The following COX7B2 variants were observed in gnomAD, a reference collection of about 807,000 sequenced individuals.
COX7B2 encodes the protein cytochrome c oxidase subunit 7B2.
For synonymous variants in COX7B2, 37 were observed against 32.1 expected, an observed-to-expected ratio of 1.15 and a Z score of -0.51; for missense variants, 109 against 95.9, an observed-to-expected ratio of 1.14 and a Z score of -0.57.
chr4:46,745,287 T>A (rs532299506), intron 2 of COX7B2, among the ~76,000 whole-genome samples: 15 of 152,310 alleles, frequency 9.8e-5, no homozygotes, highest in Admixed American at 8.5e-4. Context: ...TACCTGTTAA[T>A]TAATCTTTTT....
chr4:46,790,365 T>C (rs1171692932), intron 2 of COX7B2, among the ~76,000 whole-genome samples: 1 of 152,240 alleles, frequency 6.6e-6, no homozygotes, highest in Non-Finnish European at 1.5e-5. Context: ...GACTCCTGAA[T>C]CTTTTATTCA....
chr4:46,860,199 TAC>T (rs1269649016), intron 1 of COX7B2, among the ~76,000 whole-genome samples: 1 of 152,138 alleles, frequency 6.6e-6, no homozygotes, highest in Non-Finnish European at 1.5e-5. Context: ...TGACTGATGA[TAC>T]AGTCGAGAGA....
chr4:46,761,385 A>G (rs1040939725), intron 2 of COX7B2, among the ~76,000 whole-genome samples: 1 of 152,158 alleles, frequency 6.6e-6, no homozygotes, highest in Non-Finnish European at 1.5e-5. Flanking sequence ...AGAGAGGCAC[A>G]TTACAAATGG....
chr4:46,876,364 C>A (rs1236573814), intron 1 of COX7B2, among the ~76,000 whole-genome samples: 1 of 150,298 alleles, frequency 6.7e-6, no homozygotes, highest in Non-Finnish European at 1.5e-5. Context: ...AAGAATGATC[C>A]TCTGATTTTC....
intron 2 of COX7B2, among the ~76,000 whole-genome samples, chr4:46,830,134 G>A (rs991340772): frequency 2.0e-5 from 3 of 152,012 alleles, no homozygotes; most frequent in Admixed American, 2.0e-4. Flanking sequence ...GACCAGCCTG[G>A]CCAACATGGT....
intron 2 of COX7B2, among the ~76,000 whole-genome samples, chr4:46,742,793 T>TA (rs1310100223): frequency 2.0e-5 from 3 of 151,500 alleles, no homozygotes; most frequent in Non-Finnish European, 4.4e-5. Flanking sequence ...GCCTGAAGAG[T>TA]AAAGGGATAT....
chr4:46,864,422 T>C (rs1383367329), intron 1 of COX7B2, among the ~76,000 whole-genome samples: 1 of 152,144 alleles, frequency 6.6e-6, no homozygotes, highest in Non-Finnish European at 1.5e-5. Context: ...TGAAGTAGCA[T>C]TCAAAAACCA....
rs149803206 is a variant in COX7B2, at chr4:46,801,543, C to T, written c.-50+43417G>A. Among the ~76,000 whole-genome samples, 143 of 152,116 alleles carry T rather than the reference C, an allele frequency of 9.4e-4. 1 individual carries two copies. The highest frequency in any genetic ancestry group is 1.9e-3 in the African/African-American group (78 of 41,506). On this transcript the variant is annotated intron_variant, in intron 2 of 2. Coordinates refer to ENST00000355591, the MANE Select transcript of COX7B2 (RefSeq NM_130902.3). ...ACACTCATGGACACAAAGAAGGGAA[C>T]GACAGACACCAGGACCTACTTGAAG...
intron 2 of COX7B2, among the ~76,000 whole-genome samples, chr4:46,764,260 T>C (rs921782711): frequency 2.0e-5 from 3 of 152,188 alleles, no homozygotes; most frequent in African/African-American, 7.2e-5. Flanking sequence ...AAGAAAATAC[T>C]GGAGCCAGGC....
chr4:46,769,088 A>C (rs1335445017), intron 2 of COX7B2, among the ~76,000 whole-genome samples: 2 of 152,080 alleles, frequency 1.3e-5, no homozygotes, highest in African/African-American at 4.8e-5. Flanking sequence ...TTACTGGTAA[A>C]TTCTAACAAA....
intron 2 of COX7B2, among the ~76,000 whole-genome samples, chr4:46,771,204 T>G (rs958707291): frequency 5.3e-5 from 8 of 152,140 alleles, no homozygotes; most frequent in Non-Finnish European, 2.9e-5. Context: ...AACGCGTGTA[T>G]GGAAAAATTC....
chr4:46,830,341 A>G (rs1714986502), intron 2 of COX7B2, among the ~76,000 whole-genome samples: 1 of 151,518 alleles, frequency 6.6e-6, no homozygotes, highest in African/African-American at 2.4e-5. Context: ...AAAAAAAAAA[A>G]AAGAAAAAGA....
chr4:46,757,821 A>G (rs1412956687), intron 2 of COX7B2, among the ~76,000 whole-genome samples: 1 of 152,180 alleles, frequency 6.6e-6, no homozygotes, highest in East Asian at 1.9e-4. Context: ...AAAAAGAGAA[A>G]TGTTCTGTAG....
At chr4:46,833,470 A>G (rs995583536) in intron 2 of COX7B2, among the ~76,000 whole-genome samples, 1 of 152,244 alleles carries the variant, frequency 6.6e-6, no homozygotes, top group Non-Finnish European at 1.5e-5. Flanking sequence ...TCCAATGGAG[A>G]AAGCATGGAA....
At chr4:46,828,857 A>G (rs1714867889) in intron 2 of COX7B2, among the ~76,000 whole-genome samples, 1 of 152,170 alleles carries the variant, frequency 6.6e-6, no homozygotes, top group Non-Finnish European at 1.5e-5. Context: ...TAAAAAAGGT[A>G]ATTGCAGAAA....
At chr4:46,897,974 T>C (rs1479879377) in intron 1 of COX7B2, among the ~76,000 whole-genome samples, 1 of 152,084 alleles carries the variant, frequency 6.6e-6, no homozygotes, top group Non-Finnish European at 1.5e-5. Context: ...CCTCTCCATT[T>C]CTCCTTCTAA....
chr4:46,849,059 C>G (rs902641762), intron 1 of COX7B2, among the ~76,000 whole-genome samples: 15 of 151,954 alleles, frequency 9.9e-5, no homozygotes, highest in African/African-American at 3.4e-4. Flanking sequence ...AGTACAGTTG[C>G]AATTCTTTCC....
chr4:46,823,759 G>A (rs62305184), intron 2 of COX7B2, among the ~76,000 whole-genome samples: 8 of 151,500 alleles, frequency 5.3e-5, no homozygotes, highest in Non-Finnish European at 1.0e-4. Flanking sequence ...AAAGATTAGA[G>A]TGGAAATCAT....
intron 2 of COX7B2, among the ~76,000 whole-genome samples, chr4:46,763,599 C>G (rs936527191): frequency 6.6e-6 from 1 of 152,072 alleles, no homozygotes; most frequent in African/African-American, 2.4e-5. Flanking sequence ...TTATTTATAA[C>G]TATCTCCCTA....
Sources: allele counts gnomAD v4.1 joint callset (sites outside exome capture counted in the v4.1 genomes callset), GRCh38; gene constraint gnomAD v4.1.1; transcripts MANE v1.5; gene names NCBI Gene and HGNC (gene_info 2026-07-23, HGNC 2026-07-21).